DST: variants seen among roughly 807,000 people sequenced by gnomAD.
DST encodes the protein bullous pemphigoid antigen.
In DST, 253 loss-of-function variants were observed where a neutral mutation model predicts 875.2. The observed-to-expected ratio is 0.29, with a 90% CI of 0.26 to 0.32. The LOEUF is 0.32. Ranked by LOEUF, DST falls within the 10% of genes least tolerant of loss-of-function variation. The pLI, the probability that DST is intolerant of heterozygous loss-of-function variation, is 1.00. For missense variants in DST, 8,287 were observed against 9,111.6 expected (o/e 0.91, Z 3.68); for synonymous variants, 3,124 against 3,197.1 (o/e 0.98, Z 0.77).
chr6:56,637,352 C>T (rs886328260), intron 22 of DST, among the ~76,000 whole-genome samples: 11 of 152,180 alleles, frequency 7.2e-5, no homozygotes, highest in Non-Finnish European at 1.5e-4. Context: ...AAAACCAACA[C>T]TTGACTCCTT....
At chr6:56,951,433 A>C (rs1233506174) in intron 2 of DST, among the ~76,000 whole-genome samples, 1 of 152,266 alleles carries the variant, frequency 6.6e-6, no homozygotes, top group Non-Finnish European at 1.5e-5. Context: ...AAAAGCAACA[A>C]GAATATTCAT....
chr6:56,908,584 C>A (rs1377682212), intron 2 of DST, among the ~76,000 whole-genome samples: 2 of 152,110 alleles, frequency 1.3e-5, no homozygotes, highest in East Asian at 3.9e-4. Flanking sequence ...CTGTCAGAGG[C>A]GTTTGAACCA....
intron 72 of DST, among the ~76,000 whole-genome samples, chr6:56,514,883 T>C (rs2096560402): frequency 6.6e-6 from 1 of 152,192 alleles, no homozygotes; most frequent in Non-Finnish European, 1.5e-5. Context: ...CTCCTCCTAC[T>C]TTACCCATTT....
intron 3 of DST, among the ~76,000 whole-genome samples, chr6:56,866,783 GC>G (rs1227609279): frequency 2.0e-5 from 3 of 152,110 alleles, no homozygotes; most frequent in South Asian, 2.1e-4. Flanking sequence ...CCAGTTCCTA[GC>G]ATGGTGGCAA....
At chr6:56,744,302 G>A (rs190686491) in intron 4 of DST, among the ~76,000 whole-genome samples, 6 of 152,106 alleles carry the variant, frequency 3.9e-5, no homozygotes, top group African/African-American at 1.4e-4. Context: ...ATTTAAGGCA[G>A]GGATGAGATT....
At chr6:56,827,430 C>G (rs2153056065) in intron 4 of DST, among the ~76,000 whole-genome samples, 1 of 149,246 alleles carries the variant, frequency 6.7e-6, no homozygotes, top group Non-Finnish European at 1.5e-5. Flanking sequence ...TCACTTGAAC[C>G]CAGAAGGCGG....
chr6:56,943,491 G>A (rs572264328), intron 2 of DST, among the ~76,000 whole-genome samples: 10 of 148,622 alleles, frequency 6.7e-5, no homozygotes, highest in South Asian at 4.3e-4. Context: ...GCAATGGCAC[G>A]ATCTCAGCTC....
intron 15 of DST, among the ~76,000 whole-genome samples, chr6:56,643,969 A>G (rs935313555): frequency 2.0e-5 from 3 of 152,224 alleles, no homozygotes; most frequent in Admixed American, 1.3e-4. Context: ...GCACTATTAC[A>G]TCCTGTTTAC....
intron 61 of DST, among the ~76,000 whole-genome samples, chr6:56,538,981 T>C (rs2097069862): frequency 2.0e-5 from 3 of 152,068 alleles, no homozygotes; most frequent in Admixed American, 2.0e-4. Flanking sequence ...CCAGGACTAA[T>C]AGCTTTGGAT....
chr6:56,734,999 G>T, intron 5 of DST: 2 of 406,228 alleles, frequency 4.9e-6, no homozygotes, highest in Non-Finnish European at 4.3e-6. Flanking sequence ...TTTTACTAAC[G>T]TCACAGAATG....
chr6:56,566,246 A>G (rs527325349), intron 55 of DST, among the ~76,000 whole-genome samples: 7 of 147,564 alleles, frequency 4.7e-5, no homozygotes, highest in Admixed American at 6.6e-5. Flanking sequence ...TGCAGTATAG[A>G]AAAAAAAACT....
intron 3 of DST, among the ~76,000 whole-genome samples, chr6:56,897,600 G>A (rs998988774): frequency 6.6e-6 from 1 of 152,024 alleles, no homozygotes; most frequent in Non-Finnish European, 1.5e-5. Context: ...CAAGGTGCTG[G>A]GATTACAGGA....
In DST at chr6:56,641,218, C is replaced by T. The variant is rs116255286; in HGVS notation, c.2028-613G>A. Among the ~76,000 whole-genome samples, 1,121 of 151,976 alleles carry T rather than the reference C, an allele frequency of 7.4e-3. 7 individuals carry two copies. The highest frequency in any genetic ancestry group is 0.011 in the Non-Finnish European group (718 of 67,968). The stretch of plus-strand genomic sequence containing the variant: ...TCTCAGTGATAAAGGTTTTTATACA[C>T]GTATTTTCTTTCAAGATTTTGTTAT... On this transcript the variant is annotated intron_variant, in intron 17 of 103. Transcript: ENST00000680361.
chr6:56,522,391 T>C (rs2096723534), intron 69 of DST, among the ~76,000 whole-genome samples: 1 of 152,158 alleles, frequency 6.6e-6, no homozygotes, highest in Admixed American at 6.6e-5. Context: ...TAGGTTTTAA[T>C]AGAGGTTTAA....
intron 10 of DST, among the ~76,000 whole-genome samples, chr6:56,656,276 C>A (rs1414721507): frequency 1.3e-5 from 2 of 152,238 alleles, no homozygotes; most frequent in Admixed American, 1.3e-4. Flanking sequence ...ATTTGGAAAG[C>A]AGGCACGAAG....
chr6:56,812,042 C>T (rs1237356787), intron 4 of DST, among the ~76,000 whole-genome samples: 1 of 144,988 alleles, frequency 6.9e-6, no homozygotes, highest in Non-Finnish European at 1.5e-5. Context: ...GTGGAGATTG[C>T]AGTGAACTGA....
At chr6:56,786,887 T>C (rs2099706553) in intron 4 of DST, among the ~76,000 whole-genome samples, 1 of 152,126 alleles carries the variant, frequency 6.6e-6, no homozygotes, top group African/African-American at 2.4e-5. Flanking sequence ...AGTCCATCAA[T>C]GAGGGGATAA....
intron 2 of DST, among the ~76,000 whole-genome samples, chr6:56,922,987 T>C (rs1805067499): frequency 6.6e-6 from 1 of 152,110 alleles, no homozygotes; most frequent in Non-Finnish European, 1.5e-5. Context: ...AAAACAAAAC[T>C]TGATAAACTC....
intron 3 of DST, among the ~76,000 whole-genome samples, chr6:56,875,575 T>C (rs17758347): frequency 0.023 from 3,551 of 152,272 alleles, 136 homozygotes; most frequent in East Asian, 0.18. Flanking sequence ...TTGGAATCAA[T>C]AACATGTATT....
Sources: allele counts gnomAD v4.1 joint callset (sites outside exome capture counted in the v4.1 genomes callset), GRCh38; gene constraint gnomAD v4.1.1; transcripts MANE v1.5; gene names NCBI Gene and HGNC (gene_info 2026-07-23, HGNC 2026-07-21).